Variants in LRBA observed in about 807,000 individuals in gnomAD.
LRBA encodes the protein lipopolysaccharide-responsive and beige-like anchor protein.
Under a neutral mutation model 330.0 loss-of-function variants are expected in LRBA, and 176 were observed. The ratio of observed to expected loss-of-function variants is 0.53; its 90% CI spans 0.47 to 0.60. The LOEUF (loss-of-function observed/expected upper bound fraction) is 0.60, where lower values mean the gene tolerates loss of function less well. Among genes scored for constraint, LRBA ranks in the 20% least tolerant of loss-of-function variants. The pLI is 0.00. For synonymous variants in LRBA, 1,230 were observed against 1,193.0 expected (o/e 1.03, Z -0.64); for missense variants, 3,259 against 3,444.8 (o/e 0.95, Z 1.35).
At chr4:150,293,667 T>A (rs1349845741) in intron 53 of LRBA, among the ~76,000 whole-genome samples, 1 of 152,230 alleles carries the variant, frequency 6.6e-6, no homozygotes, top group Non-Finnish European at 1.5e-5. Flanking sequence ...CTTCTCTCTA[T>A]GATACATATA....
intron 5 of LRBA, 39 bp downstream of exon 5, chr4:150,921,156 AAAG>A (rs764751350): frequency 2.2e-5 from 30 of 1,333,428 alleles, no homozygotes; most frequent in Non-Finnish European, 3.0e-5. Context: ...GGAGCAAAGG[AAAG>A]AAGAACTGGG....
chr4:150,638,501 A>T (rs1444489928), intron 37 of LRBA, among the ~76,000 whole-genome samples: 1 of 152,194 alleles, frequency 6.6e-6, no homozygotes, highest in Admixed American at 6.5e-5. Context: ...TATTTTCAAG[A>T]ACACAAAACT....
At chr4:150,473,427 T>C (rs1756370644) in intron 42 of LRBA, among the ~76,000 whole-genome samples, 1 of 152,198 alleles carries the variant, frequency 6.6e-6, no homozygotes, top group African/African-American at 2.4e-5. Context: ...TGGGTATATC[T>C]GTGATGGCAT....
At chr4:150,305,761 T>C (rs555638876) in intron 52 of LRBA, among the ~76,000 whole-genome samples, 12 of 152,238 alleles carry the variant, frequency 7.9e-5, no homozygotes, top group Non-Finnish European at 1.2e-4. Context: ...ATTTATACTT[T>C]GGGCTCAACT....
chr4:150,536,492 C>T (rs981287148), intron 40 of LRBA, among the ~76,000 whole-genome samples: 3 of 152,118 alleles, frequency 2.0e-5, no homozygotes, highest in African/African-American at 4.8e-5. Context: ...ACAAAGGTGG[C>T]TTCTGGTGCT....
intron 46 of LRBA, among the ~76,000 whole-genome samples, chr4:150,425,535 C>T (rs1749465453): frequency 6.6e-6 from 1 of 152,180 alleles, no homozygotes; most frequent in South Asian, 2.1e-4. Flanking sequence ...AATCCCAAGG[C>T]TTTCATGGCA....
chr4:150,459,759 GT>G (rs1460182142), intron 44 of LRBA, among the ~76,000 whole-genome samples: 1 of 151,798 alleles, frequency 6.6e-6, no homozygotes, highest in African/African-American at 2.4e-5. Flanking sequence ...TAAAATCAAT[GT>G]GGCATACAAC....
intron 40 of LRBA, among the ~76,000 whole-genome samples, chr4:150,551,648 A>G (rs1766605086): frequency 6.6e-6 from 1 of 151,760 alleles, no homozygotes; most frequent in Admixed American, 6.6e-5. Context: ...AGCCTGGGTG[A>G]CAGAGCAAGA....
chr4:150,490,149 A>G (rs537093538), intron 41 of LRBA, among the ~76,000 whole-genome samples: 18 of 151,880 alleles, frequency 1.2e-4, no homozygotes, highest in African/African-American at 4.1e-4. Context: ...ATCTTTTCCT[A>G]AAGAAATTTG....
chr4:150,897,005 AAAC>A lies in LRBA; in HGVS notation c.2005-552_2005-550del, dbSNP rs1416418878. Among the ~76,000 whole-genome samples, 3 of 151,556 alleles carry A rather than the reference AAAC, an allele frequency of 2.0e-5. No individual in the cohort carries two copies. In the East Asian group the frequency reaches 5.8e-4, roughly 29 times the overall value. On this transcript the variant is annotated intron_variant, in intron 15 of 56. Transcript: ENST00000651943. ...AAAAAGCTGCAATCTAAAAAAAAAAAAACACCACAAGAAGAAAAGAAATTGGAA... is the reference window on the plus strand; with the variant it reads ...AAAAAGCTGCAATCTAAAAAAAAAAAACCACAAGAAGAAAAGAAATTGGAA...
intron 2 of LRBA, among the ~76,000 whole-genome samples, chr4:150,989,483 C>T (rs934092098): frequency 6.6e-6 from 1 of 151,974 alleles, no homozygotes; most frequent in African/African-American, 2.4e-5. Flanking sequence ...CATGGTGACA[C>T]ACACCTGTAG....
chr4:150,886,253 G>T (rs1410821927), intron 17 of LRBA, among the ~76,000 whole-genome samples: 2 of 152,142 alleles, frequency 1.3e-5, no homozygotes, highest in Non-Finnish European at 2.9e-5. Context: ...CCTGTTTCAG[G>T]GCTGGATGTC....
chr4:150,686,524 T>C (rs1226727253), intron 36 of LRBA, among the ~76,000 whole-genome samples: 1 of 152,152 alleles, frequency 6.6e-6, no homozygotes, highest in Non-Finnish European at 1.5e-5. Flanking sequence ...TCATTTTTTA[T>C]ATATTCATTC....
rs144302271 is a variant in LRBA, at chr4:150,510,364, C to T, written c.6331-19329G>A. On this transcript the variant is annotated intron_variant, in intron 40 of 56. Transcript: ENST00000651943. ...AAAGAGGAAAGAATACGTGCCAACT[C>T]GTTCTATGAGGTCAGCATTATCCAG... 3.6e-3 allele frequency among the ~76,000 whole-genome samples: 543 copies of T among 152,252 alleles called. 1 individual carries two copies. The highest frequency in any genetic ancestry group is 0.012 in the African/African-American group (497 of 41,550).
At chr4:150,690,675 A>G (rs970867043) in intron 36 of LRBA, among the ~76,000 whole-genome samples, 355 of 11,100 alleles carry the variant, frequency 0.032, 2 homozygotes, top group Non-Finnish European at 0.039. Flanking sequence ...GGCTATCCAC[A>G]TGAGAAAAAA....
chr4:150,438,068 G>A (rs557465283), intron 44 of LRBA, among the ~76,000 whole-genome samples: 1 of 152,182 alleles, frequency 6.6e-6, no homozygotes, highest in Non-Finnish European at 1.5e-5. Context: ...AAGATCAACT[G>A]CTTTAAGTAA....
At chr4:150,858,443 G>T (rs920363403) in intron 22 of LRBA, among the ~76,000 whole-genome samples, 2 of 151,656 alleles carry the variant, frequency 1.3e-5, no homozygotes, top group African/African-American at 4.9e-5. Context: ...CACTCACACA[G>T]AAATCAGGTA....
chr4:150,361,831 C>T (rs536902899), intron 47 of LRBA, among the ~76,000 whole-genome samples: 95 of 148,320 alleles, frequency 6.4e-4, no homozygotes, highest in Non-Finnish European at 8.9e-5. Context: ...AGTGCAGTGG[C>T]GTGATCTCAG....
intron 2 of LRBA, among the ~76,000 whole-genome samples, chr4:150,959,961 C>G (rs1737958190): frequency 6.8e-6 from 1 of 146,090 alleles, no homozygotes; most frequent in African/African-American, 2.7e-5. Context: ...CCATGTTGCC[C>G]AAGCTGGCCT....
Sources: gnomAD v4.1 joint callset for allele counts (sites outside exome capture counted in the v4.1 genomes callset) on GRCh38, gnomAD v4.1.1 for gene constraint, MANE v1.5 for transcripts, NCBI Gene and HGNC (gene_info 2026-07-23, HGNC 2026-07-21) for gene names.